Variants in PIP5K1C observed in about 807,000 individuals in gnomAD.
PIP5K1C encodes the protein phosphatidylinositol-4-phosphate 5-kinase type 1 gamma, also known as phosphatidylinositol 4-phosphate 5-kinase type-1 gamma.
Under a neutral mutation model 80.1 loss-of-function variants are expected in PIP5K1C, and 45 were observed. That is an observed-to-expected ratio of 0.56 (90% confidence interval 0.44 to 0.72). The LOEUF (loss-of-function observed/expected upper bound fraction) is 0.72. PIP5K1C is among the 30% of genes least tolerant of loss of function. The probability of loss-of-function intolerance (pLI) is 0.00; values close to 1 mark genes in which losing one functional copy is unlikely to be tolerated. For synonymous variants in PIP5K1C, 498 were observed against 420.1 expected (o/e 1.19, Z -2.27); for missense variants, 753 against 954.6 (o/e 0.79, Z 2.78).
intron 1 of PIP5K1C, among the ~76,000 whole-genome samples, chr19:3,691,257 G>A (rs772355432): frequency 2.6e-5 from 4 of 152,164 alleles, no homozygotes; most frequent in African/African-American, 7.2e-5. Flanking sequence ...CTCCGCTGCC[G>A]GAACACGGAG....
At chr19:3,647,567 A>T (rs2034284522) in intron 9 of PIP5K1C, among the ~76,000 whole-genome samples, 181 bp from the exon 10 acceptor site, 1 of 152,028 alleles carries the variant, frequency 6.6e-6, no homozygotes, top group South Asian at 2.1e-4. Context: ...TCTGCTCAGT[A>T]CCCTGCAGGG....
chr19:3,670,791 G>C (rs1194195520), intron 1 of PIP5K1C, among the ~76,000 whole-genome samples: 1 of 152,228 alleles, frequency 6.6e-6, no homozygotes, highest in Non-Finnish European at 1.5e-5. Context: ...GGATCTGGGG[G>C]ACAGACCCAT....
At chr19:3,655,859 C>T (rs1244723683) in intron 6 of PIP5K1C, among the ~76,000 whole-genome samples, 2 of 152,206 alleles carry the variant, frequency 1.3e-5, no homozygotes, top group African/African-American at 2.4e-5. Context: ...CTGTGGCAGC[C>T]GCCGGCTCCT....
At chr19:3,681,231 A>G (rs978003939) in intron 1 of PIP5K1C, among the ~76,000 whole-genome samples, 8 of 144,816 alleles carry the variant, frequency 5.5e-5, no homozygotes, top group African/African-American at 7.6e-5. Context: ...CACCCTGTCC[A>G]CTTTTTTTTT....
rs183580261 is a variant in PIP5K1C, at chr19:3,642,142, C to T, written c.1683-333G>A. Among the ~76,000 whole-genome samples the T allele has an allele frequency of 5.1e-3, 770 of 152,316 alleles. 9 individuals carry two copies. Among genetic ancestry groups the T allele is most frequent in the African/African-American group, 0.018 (733 of 41,552 alleles). On this transcript the variant is annotated intron_variant, in intron 14 of 17. Coordinates refer to ENST00000335312, the MANE Select transcript of PIP5K1C (RefSeq NM_012398.3). ...CCCTGACACAAGTGACTCAGTGTCCCGGCCGCCGGGCCTGGCCATGTAACA... is the reference window on the plus strand; with the variant it reads ...CCCTGACACAAGTGACTCAGTGTCCTGGCCGCCGGGCCTGGCCATGTAACA...
At chr19:3,691,164 G>A (rs2035936859) in intron 1 of PIP5K1C, among the ~76,000 whole-genome samples, 1 of 152,238 alleles carries the variant, frequency 6.6e-6, no homozygotes, top group Admixed American at 6.5e-5. Context: ...ACAAGAAGAC[G>A]AATATACGCT....
chr19:3,664,125 CCA>C (rs1225283005), intron 3 of PIP5K1C, among the ~76,000 whole-genome samples: 1 of 152,220 alleles, frequency 6.6e-6, no homozygotes, highest in Non-Finnish European at 1.5e-5. Context: ...ACACAGAAAG[CCA>C]CACAGTGTGT....
In PIP5K1C at chr19:3,677,482, C is replaced by T. The variant is rs936379102; in HGVS notation, c.95-10129G>A. On this transcript the variant is annotated intron_variant, in intron 1 of 17. Coordinates refer to ENST00000335312, the MANE Select transcript of PIP5K1C (RefSeq NM_012398.3). ...CCTGTAATCCCAGCTACTTGGGAGG[C>T]GGAGGCAGGAGAATCGCTTAAACCT... Among the ~76,000 whole-genome samples, 48 of 151,632 alleles carry T rather than the reference C, an allele frequency of 3.2e-4. 1 individual carries two copies. The highest frequency in any genetic ancestry group is 1.1e-3 in the African/African-American group (47 of 41,344).
intron 8 of PIP5K1C, among the ~76,000 whole-genome samples, chr19:3,650,704 C>G (rs2034407106): frequency 6.6e-6 from 1 of 152,232 alleles, no homozygotes; most frequent in African/African-American, 2.4e-5. Flanking sequence ...TGACTGCAGG[C>G]CACTGAGATG....
At chr19:3,697,638 G>C (rs2036167923) in intron 1 of PIP5K1C, among the ~76,000 whole-genome samples, 1 of 152,210 alleles carries the variant, frequency 6.6e-6, no homozygotes, top group African/African-American at 2.4e-5. Context: ...CCGTGGAAGT[G>C]GGGCAGGGGC....
At chr19:3,665,910 C>T (rs35909584) in intron 2 of PIP5K1C, among the ~76,000 whole-genome samples, 37,208 of 152,002 alleles carry the variant, frequency 0.24, 5,302 homozygotes, top group Non-Finnish European at 0.33. Flanking sequence ...CTGGCCAGAC[C>T]CCATCCCACC....
chr19:3,645,219 C>G (rs2034162357), intron 11 of PIP5K1C, among the ~76,000 whole-genome samples: 1 of 152,186 alleles, frequency 6.6e-6, no homozygotes, highest in South Asian at 2.1e-4. Flanking sequence ...CATTCATGCC[C>G]CCCACCAGAC....
intron 1 of PIP5K1C, among the ~76,000 whole-genome samples, chr19:3,685,501 C>T (rs574306049): frequency 1.1e-4 from 17 of 152,188 alleles, no homozygotes; most frequent in South Asian, 4.1e-4. Context: ...GAGGCCGAGG[C>T]GGGCGGATCA....
chr19:3,649,921 T>C (rs754328765), intron 8 of PIP5K1C: 1 of 266,774 alleles, frequency 3.7e-6, no homozygotes, highest in Non-Finnish European at 7.4e-6. Flanking sequence ...GCAGTCATCC[T>C]GAAGCCACTG....
chr19:3,652,511 G>A (rs562794947), intron 7 of PIP5K1C, among the ~76,000 whole-genome samples: 32 of 152,306 alleles, frequency 2.1e-4, no homozygotes, highest in African/African-American at 6.3e-4. Flanking sequence ...GGTCAGCAGC[G>A]GGGCCTGGGT....
In PIP5K1C at chr19:3,630,349, G is replaced by C. The variant is rs531699057; in HGVS notation, c.*2818C>G. 1 of 152,594 alleles carries C rather than the reference G, an allele frequency of 6.6e-6. No homozygotes were observed. The allele number at this position is 152,594 out of a possible 1,614,324, so 9.5% of individuals were successfully genotyped here. On this transcript the variant is annotated 3_prime_UTR_variant, in exon 18 of 18. Transcript: ENST00000335312. ...TGAGGGACACAGCACCCTCGTCTCG[G>C]CGCTTTGGATTGTCACGCACCAGAC...
rs576355609 is a variant in PIP5K1C at position 3,638,831 on chromosome 19, TGA to T, written c.1920+51_1920+52del. The T allele has an allele frequency of 5.6e-4, 902 of 1,609,358 alleles. 5 individuals carry two copies. In the African/African-American group the frequency reaches 0.011, roughly 19 times the overall value. On this transcript the variant is annotated intron_variant, in intron 16 of 17. Transcript: ENST00000335312. The stretch of plus-strand genomic sequence containing the variant: ...CGGTGTGCACACGGTGGAGCGTGTG[TGA>T]GAGAGAGTCCGGTTGACGAGCCGGC...
intron 8 of PIP5K1C, among the ~76,000 whole-genome samples, chr19:3,650,376 C>T (rs1298642416): frequency 1.3e-5 from 2 of 152,264 alleles, no homozygotes; most frequent in African/African-American, 2.4e-5. Flanking sequence ...CTCGGGCCTG[C>T]CCCCACTGTC....
At chr19:3,641,586 C>T in intron 15 of PIP5K1C, 119 bp downstream of exon 15, 2 of 752,530 alleles carry the variant, frequency 2.7e-6, no homozygotes, top group South Asian at 1.4e-5. Flanking sequence ...GAAAATCCAC[C>T]ATCTGTGAAT....
Sources: gnomAD v4.1 joint callset for allele counts (sites outside exome capture counted in the v4.1 genomes callset) on GRCh38, gnomAD v4.1.1 for gene constraint, MANE v1.5 for transcripts, NCBI Gene and HGNC (gene_info 2026-07-23, HGNC 2026-07-21) for gene names.